The following CFAP74 variants were observed in gnomAD, a reference collection of about 807,000 sequenced individuals.
The protein encoded by CFAP74 is cilia- and flagella-associated protein 74.
In CFAP74, 124 loss-of-function variants were observed where a neutral mutation model predicts 188.9. That is an observed-to-expected ratio of 0.66 (90% CI 0.57 to 0.76). The LOEUF (loss-of-function observed/expected upper bound fraction) is 0.76. Among genes scored for constraint, CFAP74 ranks in the 30% least tolerant of loss-of-function variants. The pLI, the probability that CFAP74 is intolerant of heterozygous loss-of-function variation, is 0.00. For missense variants in CFAP74, 2,198 were observed against 2,165.2 expected, an observed-to-expected ratio of 1.02 and a Z score of -0.30; for synonymous variants, 956 against 916.7, an observed-to-expected ratio of 1.04 and a Z score of -0.77.
rs1008811944 is a variant in CFAP74 at position 1,963,828 on chromosome 1, A to G, written c.1615T>C (p.Leu539=). The change falls in exon 14 of 39, where the codon TTG becomes CTG. Residue 539 remains leucine (L), a synonymous_variant. Coordinates refer to ENST00000682832, the MANE Select transcript of CFAP74 (RefSeq NM_001304360.2). ...IGKVYKKKIT[L]VNTTYTINYC... ...TTGATCGTGTAGGTGGTGTTTACCA[A>G]CGTGATCTTTTTCTTGTACACTTTG... 2 of 1,613,822 alleles carry G rather than the reference A, an allele frequency of 1.2e-6. No homozygotes were observed. The highest frequency in any genetic ancestry group is 1.1e-5 in the South Asian group (1 of 91,048).
chr1:1,986,788 G>A, intron 5 of CFAP74, 149 bp downstream of exon 5: 1 of 644,554 alleles, frequency 1.6e-6, no homozygotes, highest in Non-Finnish European at 2.7e-6. Flanking sequence ...GACCTCACAT[G>A]CTTCTGCATG....
At chr1:1,970,019 G>C (rs919285531) in intron 10 of CFAP74, among the ~76,000 whole-genome samples, 3 of 152,204 alleles carry the variant, frequency 2.0e-5, no homozygotes, top group African/African-American at 4.8e-5. Flanking sequence ...CTGAGCGGGA[G>C]AGAGGGGCCT....
chr1:1,989,105 A>G, intron 2 of CFAP74, 132 bp from the exon 3 acceptor site: 1 of 462,644 alleles, frequency 2.2e-6, no homozygotes, highest in South Asian at 2.2e-5. Context: ...CCACACAAGC[A>G]CAGGCAGAGG....
chr1:1,922,255 C>T lies in CFAP74; in HGVS notation c.*32G>A, dbSNP rs1651438693. 1 of 1,554,400 alleles carries T rather than the reference C, an allele frequency of 6.4e-7. No individual in the cohort carries two copies. Among genetic ancestry groups the T allele is most frequent in the Non-Finnish European group, 8.8e-7 (1 of 1,130,626 alleles). On this transcript the variant is annotated 3_prime_UTR_variant, in exon 39 of 39. Transcript: ENST00000682832. ...GCCTGGGGAGGGCTTTGAGGGTGGA[C>T]AGGAGGGCCCGAGGGTGCTCTGTGC...
Position 1,923,226 on chromosome 1 carries a change from G to A in CFAP74, c.4523-81C>T, listed in dbSNP as rs1570804147. 2.0e-6 allele frequency: 3 copies of A among 1,506,130 alleles called. No individual in the cohort carries two copies. The South Asian group carries it at 3.7e-5, about 19-fold the overall frequency. 93.3% of individuals were successfully genotyped at this position (1,506,130 alleles called of 1,614,324 possible). On this transcript the variant is annotated intron_variant, in intron 36 of 38. Coordinates refer to ENST00000682832, the MANE Select transcript of CFAP74 (RefSeq NM_001304360.2). This position sits in a 1 kb window ranked among gnomAD's most constrained non-coding sequence, Gnocchi z 6.3. ...GCTGCAGCTGGACTCCTGAACTCTG[G>A]TTAGCAGTGGCTGTCCTGCTTGGCT... is the stretch of plus-strand genomic sequence containing the variant.
rs1050160145 is a variant in CFAP74, at chr1:1,922,801, C to T, written c.4684-78G>A. On this transcript the variant is annotated intron_variant, in intron 37 of 38. Coordinates refer to ENST00000682832, the MANE Select transcript of CFAP74 (RefSeq NM_001304360.2). ...CAGTGGGACTAGGGGTGAGGGTGCC[C>T]AGCTCCACTCACCCTCCCAGCTCTG... 2.0e-6 allele frequency: 3 copies of T among 1,520,114 alleles called. No individual in the cohort carries two copies. In the African/African-American group the frequency reaches 4.1e-5, roughly 21 times the overall value. The allele number at this position is 1,520,114 out of a possible 1,614,324, so 94.2% of individuals were successfully genotyped here.
At chr1:1,961,351 C>T (rs545771286) in intron 14 of CFAP74, among the ~76,000 whole-genome samples, 4 of 152,232 alleles carry the variant, frequency 2.6e-5, no homozygotes, top group African/African-American at 9.6e-5. Flanking sequence ...AGCAGAGCTG[C>T]GGGACATTAA....
chr1:1,923,940 G>A lies in CFAP74; in HGVS notation c.4235-11C>T. 1.2e-6 allele frequency: 2 copies of A among 1,602,492 alleles called. No individual in the cohort carries two copies. Among genetic ancestry groups the A allele is most frequent in the Non-Finnish European group, 1.7e-6 (2 of 1,173,962 alleles). ...TGAGATTCTGCGTCCCTGCGGGTAG[G>A]GTGGGGTGCAGTTTGGCCTTCTCCA... is the stretch of plus-strand genomic sequence containing the variant. On this transcript the variant is annotated splice_polypyrimidine_tract_variant and intron_variant, in intron 34 of 38. Coordinates refer to ENST00000682832, the MANE Select transcript of CFAP74 (RefSeq NM_001304360.2). The surrounding 1 kb of genome is among the most constrained non-coding windows in gnomAD (Gnocchi z 6.3).
At chr1:1,988,269 C>G (rs1430698627) in intron 4 of CFAP74, 1 of 649,956 alleles carries the variant, frequency 1.5e-6, no homozygotes, top group Non-Finnish European at 2.8e-6. Context: ...GGTGGCAACT[C>G]TGGGTGGCGC....
In CFAP74 at chr1:1,970,832, C is replaced by A; in HGVS notation, c.889-16G>T. 2 of 1,613,266 alleles carry A rather than the reference C, an allele frequency of 1.2e-6. No individual in the cohort carries two copies. On this transcript the variant is annotated splice_polypyrimidine_tract_variant and intron_variant, in intron 9 of 38. Coordinates refer to ENST00000682832, the MANE Select transcript of CFAP74 (RefSeq NM_001304360.2). ...GCAGTGTGTCCTTGGAAACAGAGAG[C>A]ACTGAGATGACAGCAGCAGCACCCA...
At position 1,923,825 on chromosome 1, in the gene CFAP74, G is replaced by T. The variant is rs1026488270; in HGVS notation, c.4339C>A (p.His1447Asn). 11 of 1,613,374 alleles carry T rather than the reference G, an allele frequency of 6.8e-6. No individual in the cohort carries two copies. In the African/African-American group the frequency reaches 1.2e-4, roughly 18 times the overall value. Residue 1447 changes from histidine (H) to asparagine (N), a missense_variant, in exon 35 of 39, where the codon CAC (histidine) becomes AAC (asparagine). Transcript: ENST00000682832. This position sits in a 1 kb window ranked among gnomAD's most constrained non-coding sequence, Gnocchi z 6.3. ...QDFTVTFSPD[H>N]ESLYFSDKLQ... ...TTGTCGGAGAAGTAGAGGCTTTCGTGGTCGGGGCTGAAGGTGACAGTGAAG... is the reference window on the plus strand; with the variant it reads ...TTGTCGGAGAAGTAGAGGCTTTCGTTGTCGGGGCTGAAGGTGACAGTGAAG...
Position 1,923,562 on chromosome 1 carries a change from G to C in CFAP74, c.4390-63C>G. ...TCGGCGGCAGGGGTCCTGCTGGTGAGAGCTGGGCTGGCTCAGGGAAGGAAG... is the reference window on the plus strand; with the variant it reads ...TCGGCGGCAGGGGTCCTGCTGGTGACAGCTGGGCTGGCTCAGGGAAGGAAG... On this transcript the variant is annotated intron_variant, in intron 35 of 38. Coordinates refer to ENST00000682832, the MANE Select transcript of CFAP74 (RefSeq NM_001304360.2). This position sits in a 1 kb window ranked among gnomAD's most constrained non-coding sequence, Gnocchi z 6.3. The C allele has an allele frequency of 6.3e-7, 1 of 1,581,108 alleles. No individual in the cohort carries two copies. The highest frequency in any genetic ancestry group is 2.3e-5 in the East Asian group (1 of 44,432).
Position 1,923,928 on chromosome 1 carries a change from C to G in CFAP74, c.4236G>C (p.Gly1412=), listed in dbSNP as rs745973410. Residue 1412 remains glycine (G), a splice_region_variant and synonymous_variant, in exon 35 of 39, where the codon GGG becomes GGC. Transcript: ENST00000682832. This position sits in a 1 kb window ranked among gnomAD's most constrained non-coding sequence, Gnocchi z 6.3. ...CGCTCTGACCGTTGAGATTCTGCGT[C>G]CCTGCGGGTAGGGTGGGGTGCAGTT... ...SSPSQRTEVV[G]TQNLNGQSVF... 1 of 1,608,340 alleles carries G rather than the reference C, an allele frequency of 6.2e-7. No homozygotes were observed. Among genetic ancestry groups the G allele is most frequent in the Admixed American group, 1.7e-5 (1 of 59,606 alleles).
chr1:1,992,890 T>C (rs1013860559), intron 1 of CFAP74, among the ~76,000 whole-genome samples: 1 of 152,126 alleles, frequency 6.6e-6, no homozygotes, highest in Non-Finnish European at 1.5e-5. Flanking sequence ...GTCCAGATGT[T>C]GGAACTAAAT....
intron 2 of CFAP74, 147 bp downstream of exon 2, chr1:1,990,740 CAAT>C: frequency 1.8e-6 from 1 of 543,050 alleles, no homozygotes; most frequent in Non-Finnish European, 3.2e-6. Flanking sequence ...CAAATAAAGA[CAAT>C]AATATAAGCT....
At chr1:1,956,204 A>T (rs1654612561) in intron 17 of CFAP74, among the ~76,000 whole-genome samples, 1 of 152,126 alleles carries the variant, frequency 6.6e-6, no homozygotes, top group South Asian at 2.1e-4. Flanking sequence ...GAGCCTTGGG[A>T]CACCCATACC....
intron 13 of CFAP74, 93 bp from the exon 14 acceptor site, chr1:1,963,960 A>T (rs965830217): frequency 2.5e-6 from 2 of 807,942 alleles, no homozygotes; most frequent in African/African-American, 3.4e-5. Context: ...ACCGCTGGTG[A>T]GCATTTGCCA....
intron 1 of CFAP74, among the ~76,000 whole-genome samples, chr1:1,994,543 T>C (rs1283954270): frequency 6.6e-6 from 1 of 152,240 alleles, no homozygotes; most frequent in Non-Finnish European, 1.5e-5. Flanking sequence ...CAATATTTTT[T>C]CCACTTGAAA....
At chr1:1,970,877 A>C in intron 9 of CFAP74, 61 bp from the exon 10 acceptor site, 1 of 1,590,062 alleles carries the variant, frequency 6.3e-7, no homozygotes, top group Non-Finnish European at 8.6e-7. Flanking sequence ...GCACACGCTC[A>C]CACCTGCACA....
Sources: gnomAD v4.1 joint callset for allele counts (sites outside exome capture counted in the v4.1 genomes callset) on GRCh38, gnomAD v4.1.1 for gene constraint, Gnocchi (gnomAD v3.1) non-coding constraint, MANE v1.5 for transcripts, NCBI Gene and HGNC (gene_info 2026-07-23, HGNC 2026-07-21) for gene names.